Variants in KCNN2 observed in about 807,000 individuals in gnomAD.
KCNN2 encodes small conductance calcium-activated potassium channel protein 2.
A neutral mutation model predicts 55.5 loss-of-function variants in KCNN2; 24 were observed. The ratio of observed to expected loss-of-function variants is 0.43; its 90% confidence interval spans 0.31 to 0.61. The LOEUF (loss-of-function observed/expected upper bound fraction) is 0.61. Ranked by LOEUF, KCNN2 falls within the 20% of genes least tolerant of loss-of-function variation. The pLI, the probability that KCNN2 is intolerant of heterozygous loss-of-function variation, is 0.08. For missense variants in KCNN2, 754 were observed against 853.6 expected, an observed-to-expected ratio of 0.88 and a Z score of 1.45; for synonymous variants, 431 against 336.1, an observed-to-expected ratio of 1.28 and a Z score of -3.09.
At chr5:114,485,124 A>G (rs914851208) in intron 5 of KCNN2, among the ~76,000 whole-genome samples, 18 of 152,204 alleles carry the variant, frequency 1.2e-4, no homozygotes, top group African/African-American at 4.3e-4. Flanking sequence ...ATACAAATTG[A>G]AATCAAGTGC....
rs777915592 is a variant in KCNN2, at chr5:114,362,758, C to T, written c.619C>T (p.Pro207Ser). ...HQPQARRESN[P>S]FTEIAMSSCR... ...GCCCCAGGCGCGCCGCGAGAGCAAC[C>T]CCTTCACCGAAATAGCCATGAGCAG... Residue 207 changes from proline to serine, a missense_variant, in exon 1 of 8, where the codon CCC becomes TCC. By Grantham distance (74) the Pro-to-Ser change is moderately conservative (BLOSUM62 -1). Coordinates refer to ENST00000673685, the MANE Select transcript of KCNN2 (RefSeq NM_021614.4). The T allele has an allele frequency of 6.4e-6, 10 of 1,565,394 alleles. No homozygotes were observed. Among genetic ancestry groups the T allele is most frequent in the Non-Finnish European group, 8.6e-6 (10 of 1,162,016 alleles).
At chr5:114,421,495 C>T (rs1230047940) in intron 3 of KCNN2, among the ~76,000 whole-genome samples, 4 of 148,050 alleles carry the variant, frequency 2.7e-5, no homozygotes, top group African/African-American at 7.5e-5. Context: ...TTCACCATGT[C>T]GGCCACGCTG....
chr5:114,380,963 A>G lies in KCNN2; in HGVS notation c.1218+16962A>G, dbSNP rs116058103. Among the ~76,000 whole-genome samples, 228 of 152,290 alleles carry G rather than the reference A, an allele frequency of 1.5e-3. 1 individual carries two copies. Among genetic ancestry groups the G allele is most frequent in the African/African-American group, 4.9e-3 (204 of 41,570 alleles). On this transcript the variant is annotated intron_variant, in intron 2 of 7. Transcript: ENST00000673685. The stretch of plus-strand genomic sequence containing the variant: ...AGCCTCGTGAACAGACCTGAAGTGG[A>G]TAAATCCAGGGTTCTCACATCTTGT...
At chr5:114,202,637 A>G (rs1157706989) in intron 1 of KCNN2, among the ~76,000 whole-genome samples, 2 of 132,072 alleles carry the variant, frequency 1.5e-5, no homozygotes, top group Non-Finnish European at 3.1e-5. Context: ...CCCAGGCTGG[A>G]GTGCAGTGGC....
intron 1 of KCNN2, among the ~76,000 whole-genome samples, chr5:114,167,705 A>T (rs11747036): frequency 0.81 from 122,578 of 152,048 alleles, 50,756 homozygotes; most frequent in East Asian, 0.94. Context: ...AAGTAGATAA[A>T]CCCAGATATG....
chr5:114,460,113 T>A (rs1761124199), intron 3 of KCNN2, among the ~76,000 whole-genome samples: 6 of 152,194 alleles, frequency 3.9e-5, no homozygotes, highest in Admixed American at 6.5e-5. Flanking sequence ...AGTTGAAATT[T>A]CCCTGCAGGC....
At chr5:114,303,571 AAG>A (rs1756210547) in intron 2 of KCNN2, among the ~76,000 whole-genome samples, 1 of 152,238 alleles carries the variant, frequency 6.6e-6, no homozygotes, top group Non-Finnish European at 1.5e-5. Context: ...CACTGGAAGA[AAG>A]AGAATGACAG....
intron 1 of KCNN2, among the ~76,000 whole-genome samples, chr5:114,081,731 CA>C: frequency 6.6e-6 from 1 of 152,250 alleles, no homozygotes; most frequent in East Asian, 1.9e-4. Flanking sequence ...AGGTATGACA[CA>C]AAAGGCACGG....
chr5:114,198,591 T>A (rs1753607563), intron 1 of KCNN2, among the ~76,000 whole-genome samples: 1 of 152,078 alleles, frequency 6.6e-6, no homozygotes, highest in Non-Finnish European at 1.5e-5. Flanking sequence ...ATCATTTAAA[T>A]ACATGATTTC....
Position 114,382,934 on chromosome 5 carries a change from C to G in KCNN2, c.1218+18933C>G, listed in dbSNP as rs1758170344. On this transcript the variant is annotated intron_variant, in intron 2 of 7. Transcript: ENST00000673685. ...TAGTTTACAAAATTGTTTCAGTGAA[C>G]TTTTTATCAATGTGTGAACCGTCCT... 2.6e-5 allele frequency among the ~76,000 whole-genome samples: 4 copies of G among 152,134 alleles called. No individual in the cohort carries two copies. The South Asian group carries it at 8.3e-4, about 31-fold the overall frequency.
intron 3 of KCNN2, among the ~76,000 whole-genome samples, chr5:114,444,941 C>T (rs1245390719): frequency 6.6e-6 from 1 of 152,146 alleles, no homozygotes; most frequent in Non-Finnish European, 1.5e-5. Context: ...GTGATTTGCA[C>T]AGTGTGGGTC....
intron 2 of KCNN2, among the ~76,000 whole-genome samples, chr5:114,295,847 A>G (rs1402627051): frequency 6.6e-6 from 1 of 152,100 alleles, no homozygotes; most frequent in African/African-American, 2.4e-5. Context: ...TCTTGGCTCC[A>G]CCACAATATA....
At chr5:114,311,601 T>G (rs1756391935) in intron 2 of KCNN2, among the ~76,000 whole-genome samples, 1 of 152,210 alleles carries the variant, frequency 6.6e-6, no homozygotes, top group African/African-American at 2.4e-5. Flanking sequence ...GATCTGAAGA[T>G]TTCTCTTTTC....
At chr5:114,357,214 A>G (rs1033794106), upstream of KCNN2, among the ~76,000 whole-genome samples, 1 of 152,082 alleles carries the variant, frequency 6.6e-6, no homozygotes, top group African/African-American at 2.4e-5. Context: ...AGCATAGACA[A>G]TACTATAAAG....
intron 1 of KCNN2, among the ~76,000 whole-genome samples, chr5:114,129,975 C>T (rs1240890974): frequency 6.6e-6 from 1 of 152,182 alleles, no homozygotes; most frequent in Non-Finnish European, 1.5e-5. Context: ...CCCATCTCTA[C>T]TCTTGTTTCT....
At chr5:114,418,186 T>A (rs1759364527) in intron 3 of KCNN2, among the ~76,000 whole-genome samples, 1 of 152,212 alleles carries the variant, frequency 6.6e-6, no homozygotes, top group Admixed American at 6.5e-5. Context: ...ATCTGGTTCA[T>A]TTGCAAGTAA....
chr5:114,449,908 A>ACG (rs34988174), intron 3 of KCNN2, among the ~76,000 whole-genome samples: 26 of 66,102 alleles, frequency 3.9e-4, no homozygotes, highest in Admixed American at 6.4e-4. Flanking sequence ...ACACACACAC[A>ACG]CGCGCGCGCT....
chr5:114,327,099 C>T (rs1580724189), intron 2 of KCNN2, among the ~76,000 whole-genome samples: 1 of 152,120 alleles, frequency 6.6e-6, no homozygotes. Flanking sequence ...TGTTTTACAT[C>T]AATAAAATGT....
intron 1 of KCNN2, among the ~76,000 whole-genome samples, chr5:114,190,112 T>G (rs1163356106): frequency 6.6e-6 from 1 of 152,150 alleles, no homozygotes; most frequent in East Asian, 1.9e-4. Context: ...TACCACACCT[T>G]AAATGTTTAT....
Sources: gnomAD v4.1 joint callset for allele counts (sites outside exome capture counted in the v4.1 genomes callset) on GRCh38, gnomAD v4.1.1 for gene constraint, MANE v1.5 for transcripts, NCBI Gene and HGNC (gene_info 2026-07-23, HGNC 2026-07-21) for gene names.